SND1: variants seen among roughly 807,000 people sequenced by gnomAD.
The protein encoded by SND1 is staphylococcal nuclease and tudor domain containing 1.
SND1 carries 38 observed loss-of-function variants against 121.7 expected under a neutral mutation model. The observed-to-expected ratio is 0.31, with a 90% CI of 0.24 to 0.41. The LOEUF is 0.41. Ranked by LOEUF, SND1 falls within the 10% of genes least tolerant of loss-of-function variation. The pLI is 1.00. For synonymous variants in SND1, 401 were observed against 447.4 expected, an observed-to-expected ratio of 0.90 and a Z score of 1.31; for missense variants, 868 against 1,184.6, an observed-to-expected ratio of 0.73 and a Z score of 3.92.
chr7:128,071,379 C>G (rs1793406376), intron 16 of SND1, among the ~76,000 whole-genome samples: 1 of 152,204 alleles, frequency 6.6e-6, no homozygotes. Context: ...TGCAAATTCT[C>G]TCTATAGAAC....
intron 16 of SND1, among the ~76,000 whole-genome samples, chr7:128,017,246 C>T (rs1019384426): frequency 7.9e-5 from 12 of 152,218 alleles, no homozygotes; most frequent in Middle Eastern, 3.4e-3. Context: ...GGTTCTTCCC[C>T]CTGTTCTCAT....
chr7:128,032,557 G>C (rs1008177016), intron 16 of SND1, among the ~76,000 whole-genome samples: 1 of 151,918 alleles, frequency 6.6e-6, no homozygotes, highest in Admixed American at 6.5e-5. Context: ...CCGCACCCGG[G>C]GCCCCCTGGC....
intron 14 of SND1, 46 bp from the exon 15 acceptor site, chr7:127,929,142 G>A (rs765984464): frequency 1.3e-6 from 2 of 1,596,300 alleles, no homozygotes; most frequent in Non-Finnish European, 1.7e-6. Flanking sequence ...AAGAAACGTT[G>A]GGTTTTATTA....
chr7:127,908,596 G>A (rs767721387), intron 14 of SND1, among the ~76,000 whole-genome samples: 2 of 152,122 alleles, frequency 1.3e-5, no homozygotes, highest in Non-Finnish European at 2.9e-5. Context: ...TGTAGAACCA[G>A]CTGAGAATTT....
chr7:127,735,858 C>A (rs965054372), intron 10 of SND1, among the ~76,000 whole-genome samples: 1 of 152,136 alleles, frequency 6.6e-6, no homozygotes, highest in African/African-American at 2.4e-5. Flanking sequence ...AACTCCTGAC[C>A]TCAGGTGATC....
intron 16 of SND1, among the ~76,000 whole-genome samples, chr7:128,024,486 G>C (rs974903156): frequency 6.6e-6 from 1 of 152,198 alleles, no homozygotes; most frequent in African/African-American, 2.4e-5. Flanking sequence ...AGAAGCCTGG[G>C]TTGAGTAAGG....
At chr7:127,820,562 A>T (rs1216653058) in intron 11 of SND1, among the ~76,000 whole-genome samples, 3 of 152,228 alleles carry the variant, frequency 2.0e-5, no homozygotes, top group Non-Finnish European at 4.4e-5. Context: ...CTAAGTCTAG[A>T]TAGATTTATG....
intron 16 of SND1, among the ~76,000 whole-genome samples, chr7:128,049,067 G>C (rs535289547): frequency 2.6e-5 from 4 of 152,256 alleles, no homozygotes; most frequent in Admixed American, 6.5e-5. Context: ...TAGAAATGGG[G>C]CCAGAACCTT....
intron 11 of SND1, among the ~76,000 whole-genome samples, chr7:127,841,302 G>GCT (rs1563031927): frequency 6.6e-6 from 1 of 151,976 alleles, no homozygotes; most frequent in Non-Finnish European, 1.5e-5. Flanking sequence ...TTTTTCCCTA[G>GCT]GTAGTAGAAT....
At chr7:127,818,632 C>G (rs566142443) in intron 11 of SND1, among the ~76,000 whole-genome samples, 7 of 152,086 alleles carry the variant, frequency 4.6e-5, no homozygotes, top group African/African-American at 1.7e-4. Context: ...GCTGTGTGTG[C>G]GTTGTATGAT....
At position 128,085,817 on chromosome 7, in the gene SND1, A is replaced by C; in HGVS notation, c.2304+37A>C. ...GGACCAGAGTGTTGGAGGGGCTATC[A>C]AACACAGCAGCCCCCGAGTCAAATC... On this transcript the variant is annotated intron_variant, in intron 20 of 23. Coordinates refer to ENST00000354725, the MANE Select transcript of SND1 (RefSeq NM_014390.4). This position sits in a 1 kb window ranked among gnomAD's most constrained non-coding sequence, Gnocchi z 4.4. 6.5e-7 allele frequency: 1 copy of C among 1,544,718 alleles called. No individual in the cohort carries two copies. Among genetic ancestry groups the C allele is most frequent in the Non-Finnish European group, 9.0e-7 (1 of 1,117,054 alleles).
chr7:127,679,397 A>T (rs1795670202), intron 1 of SND1: 1 of 152,196 alleles, frequency 6.6e-6, no homozygotes, highest in Non-Finnish European at 1.5e-5. Flanking sequence ...TATACATTTT[A>T]TGTCCCCATG....
At chr7:127,765,286 G>A (rs1797391344) in intron 10 of SND1, among the ~76,000 whole-genome samples, 1 of 152,094 alleles carries the variant, frequency 6.6e-6, no homozygotes, top group African/African-American at 2.4e-5. Context: ...GAGCATTTCT[G>A]ATTTGCATTT....
intron 2 of SND1, among the ~76,000 whole-genome samples, chr7:127,688,155 A>G (rs1795849318): frequency 6.6e-6 from 1 of 152,112 alleles, no homozygotes; most frequent in Non-Finnish European, 1.5e-5. Context: ...TTTTATGGTT[A>G]TTTGAGAACC....
rs948948642 is a variant in SND1 at position 127,652,219 on chromosome 7, G to T, written c.-155G>T. 7 of 700,096 alleles carry T rather than the reference G, an allele frequency of 1.0e-5. No homozygotes were observed. Among genetic ancestry groups the T allele is most frequent in the African/African-American group, 3.5e-5 (2 of 56,718 alleles). 43.4% of individuals were successfully genotyped at this position (700,096 alleles called of 1,614,324 possible). On this transcript the variant is annotated 5_prime_UTR_variant, in exon 1 of 24. Transcript: ENST00000354725. ...CTCTTTCGCTCCGTGTCCCGCTGCT[G>T]CTCCTGTGAGCGCCCGGCGAGTCCG... is the stretch of plus-strand genomic sequence containing the variant.
chr7:127,871,998 T>C (rs1324058928), intron 12 of SND1, among the ~76,000 whole-genome samples: 11 of 151,978 alleles, frequency 7.2e-5, no homozygotes, highest in Admixed American at 7.2e-4. Flanking sequence ...CCAGGTGTGG[T>C]GGTGCACGCC....
At chr7:127,956,671 T>C (rs1018930210) in intron 15 of SND1, among the ~76,000 whole-genome samples, 2 of 152,198 alleles carry the variant, frequency 1.3e-5, no homozygotes, top group African/African-American at 2.4e-5. Flanking sequence ...AGGGGCAAGC[T>C]ACAGTTTAGG....
rs115502507 is a variant in SND1 at position 128,006,938 on chromosome 7, C to T, written c.1779+15882C>T. On this transcript the variant is annotated intron_variant, in intron 16 of 23. Transcript: ENST00000354725. ...GCCCGAGCACACAGCCAGCCTTCTC[C>T]GGAGGAGCACTGCCATCTCAGTCTT... is the stretch of plus-strand genomic sequence containing the variant. Among the ~76,000 whole-genome samples the T allele has an allele frequency of 8.0e-3, 1,216 of 152,274 alleles. 18 individuals are homozygous for T. Among genetic ancestry groups the T allele is most frequent in the African/African-American group, 0.027 (1,127 of 41,548 alleles).
At chr7:127,701,086 A>C in intron 4 of SND1, 77 bp from the exon 5 acceptor site, 1 of 1,513,624 alleles carries the variant, frequency 6.6e-7, no homozygotes, top group Non-Finnish European at 9.0e-7. Context: ...AAGATGCTGA[A>C]GAAAACCTAT....
Sources: gnomAD v4.1 joint callset for allele counts (sites outside exome capture counted in the v4.1 genomes callset) on GRCh38, gnomAD v4.1.1 for gene constraint, Gnocchi (gnomAD v3.1) non-coding constraint, MANE v1.5 for transcripts, NCBI Gene and HGNC (gene_info 2026-07-23, HGNC 2026-07-21) for gene names.